ANK2: variants seen among roughly 807,000 people sequenced by gnomAD.
The protein encoded by ANK2 is ankyrin 2.
In ANK2, 83 loss-of-function variants were observed where a neutral mutation model predicts 360.5. The observed-to-expected ratio is 0.23, with a 90% CI of 0.19 to 0.28. ANK2 has a LOEUF of 0.28. ANK2 is among the 10% of genes least tolerant of loss of function. The probability of loss-of-function intolerance (pLI) is 1.00; values close to 1 mark genes in which losing one functional copy is unlikely to be tolerated. For synonymous variants in ANK2, 1,740 were observed against 1,759.5 expected, an observed-to-expected ratio of 0.99 and a Z score of 0.28; for missense variants, 4,201 against 4,795.7, an observed-to-expected ratio of 0.88 and a Z score of 3.66.
Position 113,049,669 on chromosome 4 carries a change from G to A in ANK2, c.-60G>A. 1 of 1,579,346 alleles carries A rather than the reference G, an allele frequency of 6.3e-7. No homozygotes were observed. Among genetic ancestry groups the A allele is most frequent in the South Asian group, 1.1e-5 (1 of 89,058 alleles). On this transcript the variant is annotated 5_prime_UTR_variant, in exon 1 of 46. It adds an upstream start codon to the 5' untranslated region. Transcript: ENST00000357077. ...TCCTCCAGTAAGTGCATACCCGCTA[G>A]TGGTCTGTACAGGCGGCACGGTTTG...
upstream of ANK2, among the ~76,000 whole-genome samples, chr4:112,817,662 G>T (rs1178822810): frequency 1.3e-5 from 2 of 151,226 alleles, no homozygotes; most frequent in East Asian, 1.9e-4. Context: ...TGTATATATA[G>T]ATATATATAA....
chr4:113,159,339 TATAAAGAAAACA>T (rs1188725048), intron 1 of ANK2, among the ~76,000 whole-genome samples: 1 of 152,120 alleles, frequency 6.6e-6, no homozygotes, highest in Non-Finnish European at 1.5e-5. Context: ...ACATAGTAAT[TATAAAGAAAACA>T]AACTTTCTCC....
At chr4:113,050,360 T>G (rs1039405504) in intron 1 of ANK2, among the ~76,000 whole-genome samples, 7 of 152,116 alleles carry the variant, frequency 4.6e-5, no homozygotes, top group African/African-American at 1.7e-4. Context: ...CCTCTGCAGT[T>G]TTCCCAGACA....
intron 1 of ANK2, among the ~76,000 whole-genome samples, chr4:113,164,356 A>G (rs1372166822): frequency 2.0e-5 from 3 of 152,262 alleles, no homozygotes; most frequent in Non-Finnish European, 2.9e-5. Context: ...ATGTACCATG[A>G]TAGAAAAATA....
At chr4:113,122,018 AGT>A (rs1053483957) in intron 1 of ANK2, among the ~76,000 whole-genome samples, 14 of 152,142 alleles carry the variant, frequency 9.2e-5, no homozygotes, top group African/African-American at 2.9e-4. Flanking sequence ...CTTAATTTAA[AGT>A]GTTTTATTTG....
chr4:113,273,892 A>G (rs1434963214), intron 14 of ANK2, among the ~76,000 whole-genome samples: 2 of 152,194 alleles, frequency 1.3e-5, no homozygotes, highest in African/African-American at 2.4e-5. Flanking sequence ...TTCCAGAACT[A>G]TCTACAGCAT....
chr4:113,207,439 A>G (rs2098965150), intron 4 of ANK2, among the ~76,000 whole-genome samples: 1 of 152,112 alleles, frequency 6.6e-6, no homozygotes, highest in Non-Finnish European at 1.5e-5. Flanking sequence ...AGAAAAGTAA[A>G]TGGTCTCCAA....
Position 113,354,293 on chromosome 4 carries a change from C to T in ANK2, c.5675C>T (p.Pro1892Leu). 6.2e-7 allele frequency: 1 copy of T among 1,614,158 alleles called. No individual in the cohort carries two copies. Among genetic ancestry groups the T allele is most frequent in the Non-Finnish European group, 8.5e-7 (1 of 1,180,006 alleles). The stretch of plus-strand genomic sequence containing the variant: ...TCGACAAAAACTGAAAGGCACTCTC[C>T]TGTGTCATCTACAAAAACAGAAAGA... ...SPSTKTERHS[P>L]VSSTKTERHP... The change falls in exon 38 of 46, where the codon CCT (proline) becomes CTT (leucine). Residue 1892 changes from proline (P) to leucine (L), a missense_variant. By Grantham distance (98) the Pro-to-Leu change is moderately conservative. Around this residue, in one of 4 missense-constraint regions of ANK2, gnomAD observed 2,642 missense variants for 2,714.5 expected, o/e 0.97. Transcript: ENST00000357077.
At chr4:112,712,387 CAT>C in the ANK2 span, among the ~76,000 whole-genome samples, 298 of 115,386 alleles carry the variant, frequency 2.6e-3, 2 homozygotes, top group South Asian at 0.011. Flanking sequence ...GCCAAGATGT[CAT>C]ATATATATAT....
At chr4:112,917,562 G>A (rs1010421808) in intron 2 of ANK2, among the ~76,000 whole-genome samples, 1 of 152,204 alleles carries the variant, frequency 6.6e-6, no homozygotes, top group African/African-American at 2.4e-5. Context: ...GAAAGAAGTG[G>A]CAGTGACAAT....
At chr4:113,184,838 C>T (rs904269464) in intron 2 of ANK2, among the ~76,000 whole-genome samples, 6 of 152,024 alleles carry the variant, frequency 3.9e-5, no homozygotes, top group African/African-American at 1.2e-4. Flanking sequence ...AGGTATTTCT[C>T]CTAATGCTGT....
At chr4:113,238,887 G>A (rs2099404121) in intron 7 of ANK2, among the ~76,000 whole-genome samples, 1 of 152,126 alleles carries the variant, frequency 6.6e-6, no homozygotes, top group Non-Finnish European at 1.5e-5. Flanking sequence ...CAGTGAGGCT[G>A]TATCAGACAA....
At chr4:113,086,293 A>T (rs566247572) in intron 1 of ANK2, among the ~76,000 whole-genome samples, 42 of 152,150 alleles carry the variant, frequency 2.8e-4, no homozygotes, top group African/African-American at 1.0e-3. Context: ...GTACAATGAA[A>T]CTCTTTTTAT....
At position 113,373,285 on chromosome 4, in the gene ANK2, G is replaced by A. The variant is rs878854256; in HGVS notation, c.11695G>A (p.Val3899Ile). The change falls in exon 45 of 46, where the codon GTT becomes ATT. Residue 3899 changes from valine to isoleucine, a missense_variant and splice_region_variant. Around this residue, in one of 4 missense-constraint regions of ANK2, gnomAD observed 2,642 missense variants for 2,714.5 expected, o/e 0.97. Transcript: ENST00000357077. ...GATACACAAATGAAATACATTTCAG[G>A]TTACTAGGAAAATCATTAGGCGGTA... The part of the protein sequence containing the change: ...DEHGHTVVKK[V>I]TRKIIRRYVS... 6 of 1,613,974 alleles carry A rather than the reference G, an allele frequency of 3.7e-6. No homozygotes were observed. The highest frequency in any genetic ancestry group is 5.1e-6 in the Non-Finnish European group (6 of 1,179,972).
At chr4:113,232,964 C>A (rs2099328552) in intron 5 of ANK2, among the ~76,000 whole-genome samples, 1 of 152,054 alleles carries the variant, frequency 6.6e-6, no homozygotes, top group South Asian at 2.1e-4. Flanking sequence ...GCAGTGATTT[C>A]AAGTGATGCT....
chr4:112,705,947 C>T, the ANK2 span, among the ~76,000 whole-genome samples: 4 of 151,142 alleles, frequency 2.6e-5, no homozygotes, highest in Non-Finnish European at 5.9e-5. Flanking sequence ...GTAGGTGGCG[C>T]GGGAGGGACT....
At chr4:113,130,268 C>T (rs1047456992) in intron 1 of ANK2, among the ~76,000 whole-genome samples, 2 of 152,152 alleles carry the variant, frequency 1.3e-5, no homozygotes, top group African/African-American at 4.8e-5. Context: ...AAAAGGCACT[C>T]CATTTCTCAT....
chr4:113,274,938 A>T (rs981449980), intron 15 of ANK2, among the ~76,000 whole-genome samples: 3 of 152,226 alleles, frequency 2.0e-5, no homozygotes, highest in Non-Finnish European at 4.4e-5. Flanking sequence ...TATAAAATCC[A>T]TAATATATTC....
intron 2 of ANK2, among the ~76,000 whole-genome samples, chr4:112,958,845 A>ATTTCTTTTTCTTTTTCTT (rs151114924): frequency 4.3e-4 from 64 of 150,014 alleles, no homozygotes; most frequent in African/African-American, 1.4e-3. Flanking sequence ...ACAAGAGAAG[A>ATTTCTTTTTCTTTTTCTT]TTTCTTTTTC....
Sources: gnomAD v4.1 joint callset for allele counts (sites outside exome capture counted in the v4.1 genomes callset) on GRCh38, gnomAD v4.1.1 for gene constraint, gnomAD v4.1.1 regional missense constraint, MANE v1.5 for transcripts, NCBI Gene and HGNC (gene_info 2026-07-23, HGNC 2026-07-21) for gene names.